The following SLC6A16 variants were observed in gnomAD, a reference collection of about 807,000 sequenced individuals.
SLC6A16 encodes solute carrier family 6 member 16, also known as orphan sodium- and chloride-dependent neurotransmitter transporter NTT5.
A neutral mutation model predicts 65.4 loss-of-function variants in SLC6A16; 54 were observed. The observed-to-expected ratio is 0.83, with a 90% CI of 0.66 to 1.04. SLC6A16 has a LOEUF of 1.04. SLC6A16 is among the 50% of genes least tolerant of loss of function. The pLI, the probability that SLC6A16 is intolerant of heterozygous loss-of-function variation, is 0.00. For missense variants in SLC6A16, 816 were observed against 914.0 expected (o/e 0.89, Z 1.38); for synonymous variants, 330 against 346.5 (o/e 0.95, Z 0.53).
the SLC6A16 span, chr19:49,339,320 C>T: frequency 6.2e-7 from 1 of 1,612,066 alleles, no homozygotes; most frequent in African/African-American, 1.3e-5. This position sits in a 1 kb window ranked among gnomAD's most constrained non-coding sequence, Gnocchi z 4.5. Context: ...CTTTTCCCTA[C>T]ACCCCCCAGG....
rs1970518480 is a variant in SLC6A16, at chr19:49,311,321, T to C, written c.27A>G (p.Thr9=). MKTEAQPS[T]SLLANTSWTG... Reference sequence around the variant, plus strand: ...TCCATGAGGTGTTTGCCAGCAAGGATGTCGAAGGCTGGGCCTCTGTCTTCA... The same window carrying C: ...TCCATGAGGTGTTTGCCAGCAAGGACGTCGAAGGCTGGGCCTCTGTCTTCA... The change falls in exon 2 of 12, where the codon ACA becomes ACG. Residue 9 remains threonine (T), a synonymous_variant. Transcript: ENST00000335875. 2 of 1,594,158 alleles carry C rather than the reference T, an allele frequency of 1.3e-6. No homozygotes were observed. Among genetic ancestry groups the C allele is most frequent in the South Asian group, 2.3e-5 (2 of 87,352 alleles).
At chr19:49,304,808 T>G (rs1970352083) in intron 7 of SLC6A16, among the ~76,000 whole-genome samples, 1 of 152,068 alleles carries the variant, frequency 6.6e-6, no homozygotes, top group Non-Finnish European at 1.5e-5. Flanking sequence ...TCATCCAATA[T>G]TTTTTTTAAA....
chr19:49,339,285 A>T, the SLC6A16 span: 1 of 1,538,970 alleles, frequency 6.5e-7, no homozygotes, highest in East Asian at 2.2e-5. This position sits in a 1 kb window ranked among gnomAD's most constrained non-coding sequence, Gnocchi z 4.5. Flanking sequence ...CCTGGGCTTG[A>T]GAGTCCCAGA....
chr19:49,323,407 A>C (rs1353122113), intron 1 of SLC6A16, among the ~76,000 whole-genome samples: 2 of 152,236 alleles, frequency 1.3e-5, no homozygotes, highest in African/African-American at 4.8e-5. Flanking sequence ...AGACACTATC[A>C]AAGGGGTGAA....
chr19:49,337,437 G>C, the SLC6A16 span, among the ~76,000 whole-genome samples: 1 of 151,990 alleles, frequency 6.6e-6, no homozygotes, highest in Non-Finnish European at 1.5e-5. Context: ...GACCAGCCTG[G>C]GCAACATAGT....
In SLC6A16 at chr19:49,293,277, A is replaced by T. The variant is rs1348171535; in HGVS notation, c.1724T>A (p.Ile575Asn). 1 of 1,614,146 alleles carries T rather than the reference A, an allele frequency of 6.2e-7. No individual in the cohort carries two copies. Among genetic ancestry groups the T allele is most frequent in the South Asian group, 1.1e-5 (1 of 91,080 alleles). The stretch of plus-strand genomic sequence containing the variant: ...CATGGTTTCAAATACGACAACGACG[A>T]TGATGGGGAAGACTATCCAGTAGTC... The part of the protein sequence containing the change: ...LSDYWIVFPI[I>N]VVVVFETMAV... The change falls in exon 10 of 12, where the codon ATC becomes AAC. Residue 575 changes from isoleucine (I) to asparagine (N), a missense_variant. By Grantham distance (149) the Ile-to-Asn change is moderately radical. Coordinates refer to ENST00000335875, the MANE Select transcript of SLC6A16 (RefSeq NM_014037.3).
chr19:49,296,346 T>C (rs553850154), intron 7 of SLC6A16, among the ~76,000 whole-genome samples: 1 of 152,222 alleles, frequency 6.6e-6, no homozygotes, highest in South Asian at 2.1e-4. Flanking sequence ...CAAAACGATT[T>C]TGGAAAAAAA....
chr19:49,292,244 G>A lies in SLC6A16; in HGVS notation c.1778+979C>T, dbSNP rs1970091936. ...TAGCCGGGCGTGGTGGTGAATGCCT[G>A]TAATCCCAGCTACTCAGAAGGCTGA... On this transcript the variant is annotated intron_variant, in intron 10 of 11. Transcript: ENST00000335875. The surrounding 1 kb of genome is among the most constrained non-coding windows in gnomAD (Gnocchi z 4.3). 1.3e-5 allele frequency among the ~76,000 whole-genome samples: 2 copies of A among 152,252 alleles called. No individual in the cohort carries two copies. Among genetic ancestry groups the A allele is most frequent in the East Asian group, 3.9e-4 (2 of 5,172 alleles).
the SLC6A16 span, chr19:49,335,768 A>C: frequency 6.2e-6 from 10 of 1,612,340 alleles, no homozygotes; most frequent in Non-Finnish European, 8.5e-6. This position sits in a 1 kb window ranked among gnomAD's most constrained non-coding sequence, Gnocchi z 4.6. Flanking sequence ...TGACAAGACC[A>C]GCTTCGTGTC....
chr19:49,293,507 G>T, intron 9 of SLC6A16, 125 bp from the exon 10 acceptor site: 1 of 870,858 alleles, frequency 1.1e-6, no homozygotes, highest in South Asian at 1.7e-5. Context: ...GCTTACATGT[G>T]TAATCCAAGC....
intron 7 of SLC6A16, among the ~76,000 whole-genome samples, chr19:49,305,541 G>A (rs898285947): frequency 6.7e-6 from 1 of 149,330 alleles, no homozygotes; most frequent in East Asian, 2.0e-4. Flanking sequence ...GCAGTGAGCC[G>A]AGATTGCACC....
At position 49,309,458 on chromosome 19, in the gene SLC6A16, C is replaced by A. The variant is rs534547109; in HGVS notation, c.877-47G>T. On this transcript the variant is annotated intron_variant, in intron 5 of 11. Transcript: ENST00000335875. ...TCAGCAACCGTGTACCAGTAGGGGT[C>A]AACCAACAGTTAGGAGGGATCAAAA... is the stretch of plus-strand genomic sequence containing the variant. The A allele has an allele frequency of 6.8e-6, 10 of 1,462,240 alleles. No individual in the cohort carries two copies. In the East Asian group the frequency reaches 2.3e-4, roughly 33 times the overall value. The allele number at this position is 1,462,240 out of a possible 1,614,324, so 90.6% of individuals were successfully genotyped here.
the SLC6A16 span, chr19:49,332,265 G>A: frequency 2.2e-6 from 1 of 456,556 alleles, no homozygotes; most frequent in Non-Finnish European, 4.4e-6. Context: ...TTCTTAGAAG[G>A]ACACTTGTCA....
In SLC6A16 at chr19:49,324,530, C is replaced by T. The variant is rs187180612; in HGVS notation, c.-65+518G>A. ...GCAACCCTCCATGGTGCCCCTACACCGTCATCCCAAGCAACTCCTAGGCTC... is the reference window on the plus strand; with the variant it reads ...GCAACCCTCCATGGTGCCCCTACACTGTCATCCCAAGCAACTCCTAGGCTC... On this transcript the variant is annotated intron_variant, in intron 1 of 11. Transcript: ENST00000335875. 2.0e-4 allele frequency among the ~76,000 whole-genome samples: 31 copies of T among 152,238 alleles called. No homozygotes were observed. In the East Asian group the frequency reaches 3.7e-3, roughly 18 times the overall value.
chr19:49,331,010 C>G, the SLC6A16 span, among the ~76,000 whole-genome samples: 2 of 151,794 alleles, frequency 1.3e-5, no homozygotes, highest in Non-Finnish European at 2.9e-5. Context: ...ATATTCGCTT[C>G]CCGAGACTGC....
chr19:49,295,815 A>C (rs1302001695), intron 7 of SLC6A16, among the ~76,000 whole-genome samples: 1 of 152,226 alleles, frequency 6.6e-6, no homozygotes, highest in East Asian at 1.9e-4. Context: ...TAAGGATCAG[A>C]ATAGAAGTTC....
chr19:49,303,907 A>C (rs763554929), intron 7 of SLC6A16, among the ~76,000 whole-genome samples: 9 of 152,244 alleles, frequency 5.9e-5, no homozygotes, highest in Non-Finnish European at 1.2e-4. Context: ...TGATAACAAA[A>C]GACTATGGAA....
chr19:49,336,038 C>A, the SLC6A16 span: 1 of 535,158 alleles, frequency 1.9e-6, no homozygotes, highest in Non-Finnish European at 3.3e-6. Flanking sequence ...TGGTCAGATG[C>A]CCCCACAAAC....
At chr19:49,322,953 G>T (rs887546729) in intron 1 of SLC6A16, among the ~76,000 whole-genome samples, 1 of 143,134 alleles carries the variant, frequency 7.0e-6, no homozygotes, top group Non-Finnish European at 1.5e-5. Context: ...GAAAAACGCT[G>T]GTGTACTCAC....
Sources: allele counts gnomAD v4.1 joint callset (sites outside exome capture counted in the v4.1 genomes callset), GRCh38; gene constraint gnomAD v4.1.1; non-coding constraint Gnocchi (gnomAD v3.1); transcripts MANE v1.5; gene names NCBI Gene and HGNC (gene_info 2026-07-23, HGNC 2026-07-21).